The following ROBO1 variants were observed in gnomAD, a reference collection of about 807,000 sequenced individuals.
ROBO1 encodes roundabout guidance receptor 1, also known as roundabout homolog 1.
A neutral mutation model predicts 195.9 loss-of-function variants in ROBO1; 149 were observed. The observed-to-expected ratio is 0.76, with a 90% CI of 0.67 to 0.87. The LOEUF (loss-of-function observed/expected upper bound fraction) is 0.87. ROBO1 is among the 40% of genes least tolerant of loss of function. The pLI is 0.00. For synonymous variants in ROBO1, 816 were observed against 733.2 expected (o/e 1.11, Z -1.82); for missense variants, 1,933 against 2,068.3 (o/e 0.93, Z 1.27).
chr3:79,490,712 T>C (rs9877218), intron 2 of ROBO1, among the ~76,000 whole-genome samples: 55,260 of 152,020 alleles, frequency 0.36, 10,323 homozygotes, highest in African/African-American at 0.44. Context: ...AATGAATGCA[T>C]TGCAGTCTCT....
intron 1 of ROBO1, among the ~76,000 whole-genome samples, chr3:79,752,994 G>A (rs992792451): frequency 2.0e-5 from 3 of 152,018 alleles, no homozygotes; most frequent in African/African-American, 7.2e-5. Flanking sequence ...TAATCTTTAG[G>A]TAGAGAGTGA....
chr3:78,850,581 T>C (rs896647880), intron 4 of ROBO1, among the ~76,000 whole-genome samples: 25 of 152,240 alleles, frequency 1.6e-4, no homozygotes, highest in Admixed American at 5.2e-4. Flanking sequence ...AAAATATCTG[T>C]GGGTTTTAGG....
chr3:78,992,136 C>A (rs2077252720), intron 3 of ROBO1, among the ~76,000 whole-genome samples: 1 of 152,088 alleles, frequency 6.6e-6, no homozygotes, highest in South Asian at 2.1e-4. Flanking sequence ...AAGTGTAAGA[C>A]TGAATACAAT....
At chr3:78,924,230 A>G (rs1265537461) in intron 4 of ROBO1, among the ~76,000 whole-genome samples, 1 of 152,126 alleles carries the variant, frequency 6.6e-6, no homozygotes, top group Non-Finnish European at 1.5e-5. Flanking sequence ...AGTTACATCT[A>G]AACTTGAAGC....
chr3:79,571,330 C>T (rs970300421), intron 2 of ROBO1, among the ~76,000 whole-genome samples: 1 of 151,980 alleles, frequency 6.6e-6, no homozygotes, highest in Non-Finnish European at 1.5e-5. Flanking sequence ...TCAAATCTTA[C>T]ACTAAGTTAT....
chr3:79,059,153 CTAT>C (rs543350960), intron 3 of ROBO1, among the ~76,000 whole-genome samples: 170 of 152,192 alleles, frequency 1.1e-3, no homozygotes, highest in Non-Finnish European at 2.1e-3. Flanking sequence ...CCCCGTATTC[CTAT>C]AATGAGACTG....
At chr3:78,777,409 T>C (rs867926474) in intron 4 of ROBO1, among the ~76,000 whole-genome samples, 2 of 146,166 alleles carry the variant, frequency 1.4e-5, no homozygotes, top group South Asian at 4.8e-4. Context: ...GTACTTTGTC[T>C]GTTTCACAAT....
chr3:79,016,361 A>G (rs1363987967), intron 3 of ROBO1, among the ~76,000 whole-genome samples: 1 of 152,204 alleles, frequency 6.6e-6, no homozygotes. Flanking sequence ...CAAAGCAGAT[A>G]GGCACACCTA....
At chr3:78,991,972 G>C (rs1226528982) in intron 3 of ROBO1, among the ~76,000 whole-genome samples, 2 of 152,032 alleles carry the variant, frequency 1.3e-5, no homozygotes, top group African/African-American at 4.8e-5. Flanking sequence ...AAAATGAATA[G>C]AGAACTAGCA....
In ROBO1 at chr3:78,606,811, G is replaced by T. The variant is rs1240521234; in HGVS notation, c.4666C>A (p.Gln1556Lys). The change falls in exon 29 of 31, where the codon CAG becomes AAG. Residue 1556 changes from glutamine (Q) to lysine (K), a missense_variant. Physicochemically the swap from Gln to Lys is moderately conservative, Grantham distance 53. Transcript: ENST00000464233. Reference sequence around the variant, plus strand: ...CCACGTCCTTTCCCGTCATTTTGCTGTTCCTGTGCTTCTCTGGGATCACCT... The same window carrying T: ...CCACGTCCTTTCCCGTCATTTTGCTTTTCCTGTGCTTCTCTGGGATCACCT... Reference protein sequence around the residue: ...NPGDPREAQEQQNDGKGRGNK... With the variant: ...NPGDPREAQEKQNDGKGRGNK... The T allele has an allele frequency of 2.5e-6, 4 of 1,613,874 alleles. No individual in the cohort carries two copies. Among genetic ancestry groups the T allele is most frequent in the Non-Finnish European group, 3.4e-6 (4 of 1,179,864 alleles).
rs190303305 is a variant in ROBO1, at chr3:79,685,917, A to C, written c.-51+81835T>G. Among the ~76,000 whole-genome samples, 1,170 of 152,106 alleles carry C rather than the reference A, an allele frequency of 7.7e-3. 15 individuals carry two copies. The highest frequency in any genetic ancestry group is 0.025 in the African/African-American group (1,048 of 41,388). ...ACCAAAGCCTGGCAGAGACAACAAC[A>C]AAAAAAGAGAATTTTAGACCAATAT... is the stretch of plus-strand genomic sequence containing the variant. On this transcript the variant is annotated intron_variant, in intron 1 of 30. Coordinates refer to ENST00000464233, the MANE Select transcript of ROBO1 (RefSeq NM_002941.4).
intron 2 of ROBO1, among the ~76,000 whole-genome samples, chr3:79,461,933 CA>C (rs1406578686): frequency 6.6e-6 from 1 of 151,876 alleles, no homozygotes; most frequent in Non-Finnish European, 1.5e-5. Context: ...CCAAACTAAG[CA>C]AAAAATGTTG....
At chr3:79,553,630 T>C (rs1360821520) in intron 2 of ROBO1, among the ~76,000 whole-genome samples, 1 of 152,126 alleles carries the variant, frequency 6.6e-6, no homozygotes, top group African/African-American at 2.4e-5. Flanking sequence ...TATGAATGAT[T>C]ATGTAAACAT....
Position 79,109,012 on chromosome 3 carries a change from C to CT in ROBO1, c.172+16443dup, listed in dbSNP as rs996791083. 1.5e-4 allele frequency among the ~76,000 whole-genome samples: 23 copies of CT among 150,908 alleles called. No individual in the cohort carries two copies. In the South Asian group the frequency reaches 3.4e-3, roughly 22 times the overall value. Reference sequence around the variant, plus strand: ...TTAAGGTATATCACAGTGCCTCTTTCTTTTTTTTTAAAACAGAAAAAATTA... The same window carrying CT: ...TTAAGGTATATCACAGTGCCTCTTTCTTTTTTTTTTAAAACAGAAAAAATTA... On this transcript the variant is annotated intron_variant, in intron 3 of 30. Transcript: ENST00000464233.
chr3:78,774,006 C>G (rs1425893011), intron 4 of ROBO1, among the ~76,000 whole-genome samples: 1 of 152,110 alleles, frequency 6.6e-6, no homozygotes, highest in Non-Finnish European at 1.5e-5. Flanking sequence ...TAATTTAATC[C>G]ATGAAACAAT....
intron 2 of ROBO1, among the ~76,000 whole-genome samples, chr3:79,164,839 T>C: frequency 6.6e-6 from 1 of 152,142 alleles, no homozygotes; most frequent in East Asian, 1.9e-4. Flanking sequence ...CTACAAGTAG[T>C]CTTAGCTAGA....
chr3:79,512,402 T>C (rs1235085452), intron 2 of ROBO1, among the ~76,000 whole-genome samples: 2 of 152,190 alleles, frequency 1.3e-5, no homozygotes, highest in Admixed American at 1.3e-4. Flanking sequence ...GCTTATCTAT[T>C]TATTTTGGTT....
chr3:79,319,966 G>C (rs1352559124), intron 2 of ROBO1, among the ~76,000 whole-genome samples: 2 of 152,170 alleles, frequency 1.3e-5, no homozygotes, highest in Non-Finnish European at 2.9e-5. Flanking sequence ...GTTGTAAACT[G>C]TATAACCAGG....
chr3:78,943,443 T>C (rs1048856973), intron 3 of ROBO1, among the ~76,000 whole-genome samples: 1 of 152,114 alleles, frequency 6.6e-6, no homozygotes, highest in African/African-American at 2.4e-5. Context: ...TACCATGATG[T>C]TTGTACACAA....
Sources: gnomAD v4.1 joint callset for allele counts (sites outside exome capture counted in the v4.1 genomes callset) on GRCh38, gnomAD v4.1.1 for gene constraint, MANE v1.5 for transcripts, NCBI Gene and HGNC (gene_info 2026-07-23, HGNC 2026-07-21) for gene names.